The following EBF1 variants were observed in gnomAD, a reference collection of about 807,000 sequenced individuals.
EBF1 encodes the protein EBF transcription factor 1.
A neutral mutation model predicts 68.4 loss-of-function variants in EBF1; 10 were observed. The observed-to-expected ratio is 0.15, with a 90% CI of 0.09 to 0.25. The LOEUF (loss-of-function observed/expected upper bound fraction) is 0.25, where lower values mean the gene tolerates loss of function less well. Ranked by LOEUF, EBF1 falls within the 10% of genes least tolerant of loss-of-function variation. EBF1 has a pLI of 1.00. For missense variants in EBF1, 509 were observed against 794.4 expected (o/e 0.64, Z 4.32); for synonymous variants, 298 against 299.8 (o/e 0.99, Z 0.06).
chr5:158,815,534 A>AGT (rs1783550641), intron 8 of EBF1, among the ~76,000 whole-genome samples: 4 of 152,242 alleles, frequency 2.6e-5, no homozygotes. Context: ...AAACAACAAT[A>AGT]GTGGTAGTAA....
At chr5:158,946,873 A>T (rs975546267) in intron 6 of EBF1, among the ~76,000 whole-genome samples, 24 of 152,190 alleles carry the variant, frequency 1.6e-4, no homozygotes, top group African/African-American at 5.8e-4. Flanking sequence ...TTTCTTTCAG[A>T]GGTGCCCTGC....
In EBF1 at chr5:159,096,906, C is replaced by A. The variant is rs1183381310; in HGVS notation, c.291+68G>T. ...TTTGCACTCAAGGAAGGGCGCGCTG[C>A]CCAAGGCTCCCGGGCCTGCTCCCGA... On this transcript the variant is annotated intron_variant, in intron 2 of 15. Transcript: ENST00000313708. 6 of 1,571,696 alleles carry A rather than the reference C, an allele frequency of 3.8e-6. No individual in the cohort carries two copies. In the African/African-American group the frequency reaches 4.0e-5, roughly 11 times the overall value.
intron 6 of EBF1, among the ~76,000 whole-genome samples, chr5:159,056,377 G>C (rs1421481488): frequency 1.3e-5 from 2 of 151,962 alleles, no homozygotes; most frequent in Middle Eastern, 3.2e-3. Flanking sequence ...TTCCTCCTTT[G>C]CCCCATACTC....
Position 158,911,611 on chromosome 5 carries a change from C to T in EBF1, c.555-71501G>A, listed in dbSNP as rs146548279. Among the ~76,000 whole-genome samples, 39 of 150,038 alleles carry T rather than the reference C, an allele frequency of 2.6e-4. 1 individual carries two copies. In the East Asian group the frequency reaches 5.4e-3, roughly 21 times the overall value. ...ACAGACAACAGGGCATTTTCTGCTA[C>T]GACAGCATACAGTAGGAACAAATCA... On this transcript the variant is annotated intron_variant, in intron 6 of 15. Transcript: ENST00000313708.
At chr5:158,982,053 T>C (rs1758006617) in intron 6 of EBF1, among the ~76,000 whole-genome samples, 1 of 152,190 alleles carries the variant, frequency 6.6e-6, no homozygotes, top group Admixed American at 6.5e-5. Context: ...GTGCTTAAAA[T>C]GGGATTTCAT....
chr5:158,996,838 AAT>A (rs1761512001), intron 6 of EBF1, among the ~76,000 whole-genome samples: 1 of 152,206 alleles, frequency 6.6e-6, no homozygotes, highest in African/African-American at 2.4e-5. Flanking sequence ...TTTTAAATGA[AAT>A]ATGTTATACC....
chr5:158,771,387 A>G (rs1284258116), intron 10 of EBF1, among the ~76,000 whole-genome samples: 1 of 152,152 alleles, frequency 6.6e-6, no homozygotes, highest in Non-Finnish European at 1.5e-5. Context: ...TTTCATTTAA[A>G]GAAACTATGT....
chr5:159,062,245 C>T (rs1394039309), intron 6 of EBF1, among the ~76,000 whole-genome samples: 1 of 152,188 alleles, frequency 6.6e-6, no homozygotes. Context: ...AAAGATGCAG[C>T]CTATCAAATG....
At chr5:159,011,059 C>T (rs2127679903) in intron 6 of EBF1, among the ~76,000 whole-genome samples, 1 of 152,324 alleles carries the variant, frequency 6.6e-6, no homozygotes, top group South Asian at 2.1e-4. Flanking sequence ...CTTTCCTTTT[C>T]AAATCTGGAG....
intron 14 of EBF1, among the ~76,000 whole-genome samples, chr5:158,709,517 A>G (rs552862382): frequency 2.6e-5 from 4 of 152,314 alleles, no homozygotes; most frequent in African/African-American, 9.6e-5. Flanking sequence ...CCATGAGCCC[A>G]CCAGAGTCAA....
chr5:158,732,593 A>G (rs1047030609), intron 10 of EBF1, among the ~76,000 whole-genome samples: 3 of 149,462 alleles, frequency 2.0e-5, no homozygotes, highest in Non-Finnish European at 4.5e-5. Flanking sequence ...TTATGTAAGG[A>G]AAAAAAAAAG....
chr5:159,018,046 C>T (rs937403232), intron 6 of EBF1, among the ~76,000 whole-genome samples: 5 of 152,084 alleles, frequency 3.3e-5, no homozygotes, highest in Non-Finnish European at 5.9e-5. Flanking sequence ...AGCCATGGCC[C>T]CTCCCAACAC....
intron 10 of EBF1, among the ~76,000 whole-genome samples, chr5:158,769,398 A>T (rs151043338): frequency 0.018 from 2,706 of 152,202 alleles, 47 homozygotes; most frequent in Non-Finnish European, 0.028. Context: ...GTCAGTGAAA[A>T]TATCCCTTTT....
At chr5:159,078,496 A>G (rs1450781975) in intron 5 of EBF1, among the ~76,000 whole-genome samples, 1 of 152,226 alleles carries the variant, frequency 6.6e-6, no homozygotes, top group Non-Finnish European at 1.5e-5. Context: ...ATGGACCTTC[A>G]TCCGTTCAAA....
chr5:159,035,099 A>T (rs1769761557), intron 6 of EBF1, among the ~76,000 whole-genome samples: 1 of 152,116 alleles, frequency 6.6e-6, no homozygotes, highest in South Asian at 2.1e-4. Flanking sequence ...GATTGAAGCC[A>T]TCAGAAACAG....
At chr5:158,842,867 AG>A (rs1216268601) in intron 6 of EBF1, among the ~76,000 whole-genome samples, 1 of 152,234 alleles carries the variant, frequency 6.6e-6, no homozygotes, top group Non-Finnish European at 1.5e-5. Flanking sequence ...GTCCAAAGCT[AG>A]GAAGTGTGAA....
At chr5:158,715,331 G>C (rs1043401891) in intron 11 of EBF1, among the ~76,000 whole-genome samples, 4 of 152,194 alleles carry the variant, frequency 2.6e-5, no homozygotes, top group Non-Finnish European at 5.9e-5. Flanking sequence ...TCAGAAAATA[G>C]GGAGATAATC....
At chr5:158,997,970 C>T (rs1761763264) in intron 6 of EBF1, among the ~76,000 whole-genome samples, 1 of 152,146 alleles carries the variant, frequency 6.6e-6, no homozygotes, top group African/African-American at 2.4e-5. Flanking sequence ...ATGGCCCTGT[C>T]CTGCCACCAT....
intron 6 of EBF1, among the ~76,000 whole-genome samples, chr5:159,022,042 A>G (rs1044052774): frequency 2.0e-4 from 25 of 123,650 alleles, no homozygotes; most frequent in Non-Finnish European, 3.7e-4. Flanking sequence ...TAAAAGGAAC[A>G]TTTGTCAGCA....
Sources: allele counts gnomAD v4.1 joint callset (sites outside exome capture counted in the v4.1 genomes callset), GRCh38; gene constraint gnomAD v4.1.1; transcripts MANE v1.5; gene names NCBI Gene and HGNC (gene_info 2026-07-23, HGNC 2026-07-21).